TEX14: variants seen among roughly 807,000 people sequenced by gnomAD.
TEX14 encodes the protein inactive serine/threonine-protein kinase TEX14.
Under a neutral mutation model 178.6 loss-of-function variants are expected in TEX14, and 168 were observed. The ratio of observed to expected loss-of-function variants is 0.94; its 90% CI spans 0.83 to 1.07. The LOEUF (loss-of-function observed/expected upper bound fraction) is 1.07. TEX14 is among the 50% of genes least tolerant of loss of function. TEX14 has a pLI of 0.00. For synonymous variants in TEX14, 626 were observed against 634.1 expected, an observed-to-expected ratio of 0.99 and a Z score of 0.19; for missense variants, 1,730 against 1,753.6, an observed-to-expected ratio of 0.99 and a Z score of 0.24.
At chr17:58,571,782 G>A (rs765371764) in intron 24 of TEX14, 139 bp downstream of exon 24, 89 of 682,764 alleles carry the variant, frequency 1.3e-4, no homozygotes, top group Non-Finnish European at 1.9e-4. Context: ...AGACTCAAGA[G>A]AGGAGTCCCA....
chr17:58,604,394 C>T (rs2045554752), intron 11 of TEX14, among the ~76,000 whole-genome samples: 1 of 150,942 alleles, frequency 6.6e-6, no homozygotes, highest in African/African-American at 2.4e-5. Flanking sequence ...TCGCTTGGAC[C>T]CGGGAGGCAG....
intron 1 of TEX14, among the ~76,000 whole-genome samples, chr17:58,683,961 AGGC>A (rs2047547521): frequency 6.6e-6 from 1 of 151,754 alleles, no homozygotes; most frequent in Non-Finnish European, 1.5e-5. Flanking sequence ...GCTACTCGGG[AGGC>A]TGAGGCAGAA....
chr17:58,598,807 A>C, intron 14 of TEX14, 69 bp downstream of exon 14: 1 of 1,406,498 alleles, frequency 7.1e-7, no homozygotes, highest in Non-Finnish European at 9.7e-7. Flanking sequence ...CTTGGGTGAA[A>C]GGTTTCCAGC....
In TEX14 at chr17:58,564,878, T is replaced by C; in HGVS notation, c.4055A>G (p.Asp1352Gly). The C allele has an allele frequency of 1.9e-6, 3 of 1,592,214 alleles. No homozygotes were observed. The highest frequency in any genetic ancestry group is 2.6e-6 in the Non-Finnish European group (3 of 1,165,602). ...CAGCTTTTCCTGTTACCTCTCTGTG[T>C]CCTCTCCAAGATCTTCAGTTTCTTT... ...LSKETEDLGE[D>G]TERAHSTLDE... Residue 1352 changes from aspartate (D) to glycine (G), a missense_variant, in exon 28 of 32, where the codon GAC becomes GGC. By Grantham distance (94) the Asp-to-Gly change is moderately conservative (BLOSUM62 -1). Transcript: ENST00000349033.
intron 5 of TEX14, among the ~76,000 whole-genome samples, chr17:58,618,585 T>A (rs1188130294): frequency 6.6e-6 from 1 of 152,208 alleles, no homozygotes; most frequent in Non-Finnish European, 1.5e-5. Flanking sequence ...TACTTTCAGC[T>A]CAGACTGAAG....
chr17:58,570,594 G>GTCACCTCC (rs1310309695), intron 24 of TEX14, 110 bp from the exon 25 acceptor site: 1 of 420,280 alleles, frequency 2.4e-6, no homozygotes, highest in Non-Finnish European at 4.2e-6. Flanking sequence ...TCACTCACAT[G>GTCACCTCC]TCACCTCCTC....
Position 58,683,373 on chromosome 17 carries a change from C to T in TEX14, c.-2+8566G>A, listed in dbSNP as rs947989536. The stretch of plus-strand genomic sequence containing the variant: ...GAGTGACAAAGCAAGACTCCATCCC[C>T]CCCCCCAAAAAAAAAAGGAAATATA... On this transcript the variant is annotated intron_variant, in intron 1 of 31. Coordinates refer to ENST00000349033, the MANE Select transcript of TEX14 (RefSeq NM_031272.5). Among the ~76,000 whole-genome samples the T allele has an allele frequency of 2.2e-4, 32 of 148,206 alleles. No homozygotes were observed. In the East Asian group the frequency reaches 2.6e-3, roughly 12 times the overall value.
At chr17:58,660,349 C>G (rs1035168477) in intron 1 of TEX14, 2 of 240,256 alleles carry the variant, frequency 8.3e-6, no homozygotes, top group Non-Finnish European at 1.6e-5. Flanking sequence ...TGCAGTGAGC[C>G]GAGATCGCGC....
At chr17:58,605,708 T>C (rs896371323) in intron 10 of TEX14, among the ~76,000 whole-genome samples, 4 of 152,220 alleles carry the variant, frequency 2.6e-5, no homozygotes, top group Non-Finnish European at 5.9e-5. Flanking sequence ...TGCCCACAGA[T>C]CCTAGAATGA....
At chr17:58,618,873 G>A (rs1013912318) in intron 5 of TEX14, among the ~76,000 whole-genome samples, 4 of 152,132 alleles carry the variant, frequency 2.6e-5, no homozygotes, top group Non-Finnish European at 5.9e-5. Context: ...TTTACACCTG[G>A]TATCTTAGCA....
At chr17:58,640,218 C>T (rs1014938500) in intron 2 of TEX14, among the ~76,000 whole-genome samples, 3 of 150,582 alleles carry the variant, frequency 2.0e-5, no homozygotes, top group East Asian at 2.0e-4. Context: ...GGCTGAGGCA[C>T]GAGAAACACT....
chr17:58,689,515 G>C (rs897760666), intron 1 of TEX14, among the ~76,000 whole-genome samples: 2 of 152,058 alleles, frequency 1.3e-5, no homozygotes, highest in Non-Finnish European at 2.9e-5. Flanking sequence ...CACCGTGCCC[G>C]GCCTACCCCA....
chr17:58,604,522 T>C (rs2045558462), intron 11 of TEX14, among the ~76,000 whole-genome samples: 1 of 150,990 alleles, frequency 6.6e-6, no homozygotes, highest in African/African-American at 2.4e-5. Flanking sequence ...GTGGATTAAA[T>C]GCATCATCAC....
At chr17:58,684,793 G>C (rs938859546) in intron 1 of TEX14, among the ~76,000 whole-genome samples, 1 of 151,972 alleles carries the variant, frequency 6.6e-6, no homozygotes, top group Non-Finnish European at 1.5e-5. Flanking sequence ...TGGCCAATAT[G>C]GCAAAACCCT....
At chr17:58,610,040 C>G (rs1289912100) in intron 10 of TEX14, among the ~76,000 whole-genome samples, 1 of 152,180 alleles carries the variant, frequency 6.6e-6, no homozygotes, top group Non-Finnish European at 1.5e-5. Context: ...CCCAAAGGCT[C>G]AGAGCTGTGG....
At chr17:58,606,767 C>G (rs1468987117) in intron 10 of TEX14, among the ~76,000 whole-genome samples, 1 of 151,384 alleles carries the variant, frequency 6.6e-6, no homozygotes, top group Non-Finnish European at 1.5e-5. Context: ...GTGGCTCATG[C>G]CTGTAATCCC....
At chr17:58,634,888 T>G (rs1250266743) in intron 2 of TEX14, among the ~76,000 whole-genome samples, 6 of 152,128 alleles carry the variant, frequency 3.9e-5, no homozygotes, top group Non-Finnish European at 8.8e-5. Context: ...TCCCAGCACT[T>G]TGGGAGGCCG....
At chr17:58,610,899 G>A (rs924919380) in intron 10 of TEX14, among the ~76,000 whole-genome samples, 3 of 150,904 alleles carry the variant, frequency 2.0e-5, no homozygotes, top group Non-Finnish European at 2.9e-5. Context: ...AAAAAAAGCC[G>A]CTGAAAATTT....
At chr17:58,625,450 T>TA (rs2046114489) in intron 3 of TEX14, among the ~76,000 whole-genome samples, 1 of 152,094 alleles carries the variant, frequency 6.6e-6, no homozygotes, top group Non-Finnish European at 1.5e-5. Context: ...TACCATCTTC[T>TA]AATCATTCCT....
Sources: allele counts gnomAD v4.1 joint callset (sites outside exome capture counted in the v4.1 genomes callset), GRCh38; gene constraint gnomAD v4.1.1; transcripts MANE v1.5; gene names NCBI Gene and HGNC (gene_info 2026-07-23, HGNC 2026-07-21).